CCDC68: variants seen among roughly 807,000 people sequenced by gnomAD.
CCDC68 encodes coiled-coil domain-containing protein 68.
CCDC68 carries 45 observed loss-of-function variants against 47.1 expected under a neutral mutation model. The ratio of observed to expected loss-of-function variants is 0.96; its 90% confidence interval spans 0.75 to 1.23. The LOEUF is 1.23. CCDC68 is among the 50% of genes most tolerant of loss of function. CCDC68 has a pLI of 0.00. For missense variants in CCDC68, 353 were observed against 373.6 expected (o/e 0.94, Z 0.45); for synonymous variants, 131 against 129.5 (o/e 1.01, Z -0.08).
At chr18:54,915,233 G>C (rs1297768911) in intron 10 of CCDC68, among the ~76,000 whole-genome samples, 1 of 152,198 alleles carries the variant, frequency 6.6e-6, no homozygotes, top group Non-Finnish European at 1.5e-5. Context: ...ATTTAGTCCA[G>C]AATAAAGAGG....
intron 5 of CCDC68, 98 bp from the exon 6 acceptor site, chr18:54,937,056 T>G: frequency 8.8e-7 from 1 of 1,136,464 alleles, no homozygotes; most frequent in Non-Finnish European, 1.3e-6. Flanking sequence ...AAGGTATAAC[T>G]ATACCATTTA....
rs74254765 is a variant in CCDC68 at position 54,927,509 on chromosome 18, C to T, written c.683+1291G>A. Among the ~76,000 whole-genome samples, 17 of 151,850 alleles carry T rather than the reference C, an allele frequency of 1.1e-4. No homozygotes were observed. In the East Asian group the frequency reaches 2.1e-3, roughly 19 times the overall value. ...AGGCCTGAACTTTTAATGGAAGATG[C>T]GTACAAATCAGTAGTTCTGCTACCT... On this transcript the variant is annotated intron_variant, in intron 8 of 11. Coordinates refer to ENST00000591504, the MANE Select transcript of CCDC68 (RefSeq NM_025214.3).
At chr18:54,954,959 C>T (rs1599108508) in intron 1 of CCDC68, among the ~76,000 whole-genome samples, 1 of 151,530 alleles carries the variant, frequency 6.6e-6, no homozygotes, top group Admixed American at 6.6e-5. Flanking sequence ...TATTATTTAA[C>T]CTACATTATC....
chr18:54,937,992 C>G lies in CCDC68; in HGVS notation c.310G>C (p.Glu104Gln), dbSNP rs148856264. The G allele has an allele frequency of 6.2e-5, 100 of 1,613,078 alleles. No individual in the cohort carries two copies. The African/African-American group carries it at 1.2e-3, about 20-fold the overall frequency. ...KIKGKDLQLL[E>Q]MNKENEVLKI... ...AATACTTCATTCTCTTTGTTCATTT[C>G]TAAGAGCTGTAGGTCTTTTCCTTTT... is the stretch of plus-strand genomic sequence containing the variant. The change falls in exon 5 of 12, where the codon GAA becomes CAA. Residue 104 changes from glutamate (E) to glutamine (Q), a missense_variant. Glu to Gln is a conservative substitution (Grantham distance 29, BLOSUM62 2). Coordinates refer to ENST00000591504, the MANE Select transcript of CCDC68 (RefSeq NM_025214.3).
At chr18:54,924,371 C>T (rs967463262) in intron 8 of CCDC68, among the ~76,000 whole-genome samples, 1 of 151,996 alleles carries the variant, frequency 6.6e-6, no homozygotes. Flanking sequence ...AGAAATGACA[C>T]AATGGTGAAT....
Position 54,938,206 on chromosome 18 carries a change from CACAA to C in CCDC68, c.205-113_205-110del, listed in dbSNP as rs529910708. ...ATATATCAAAGAAGCTTCAGATCAG[CACAA>C]ACAAACATCTTTTGAATCTCAAATA... On this transcript the variant is annotated intron_variant, in intron 4 of 11. Coordinates refer to ENST00000591504, the MANE Select transcript of CCDC68 (RefSeq NM_025214.3). 1.7e-4 allele frequency: 167 copies of C among 962,178 alleles called. 1 individual carries two copies. The highest frequency in any genetic ancestry group is 1.2e-3 in the African/African-American group (74 of 59,446). 59.6% of individuals were successfully genotyped at this position (962,178 alleles called of 1,614,324 possible).
chr18:54,911,221 A>T (rs1568132999), intron 10 of CCDC68, among the ~76,000 whole-genome samples: 1 of 45,740 alleles, frequency 2.2e-5, no homozygotes, highest in East Asian at 9.5e-4. Context: ...CCATTTTTGT[A>T]TTTTTTTTAG....
At position 54,903,425 on chromosome 18, in the gene CCDC68, A is replaced by G. The variant is rs1182816999; in HGVS notation, c.*933T>C. 6.6e-6 allele frequency: 1 copy of G among 152,216 alleles called. No individual in the cohort carries two copies. The highest frequency in any genetic ancestry group is 1.5e-5 in the Non-Finnish European group (1 of 68,034). 9.4% of individuals were successfully genotyped at this position (152,216 alleles called of 1,614,324 possible). ...ATCAGAATTTAAGCAAACTTTCACAAATACACTATATATATCTTTCCAATT... is the reference window on the plus strand; with the variant it reads ...ATCAGAATTTAAGCAAACTTTCACAGATACACTATATATATCTTTCCAATT... On this transcript the variant is annotated 3_prime_UTR_variant, in exon 12 of 12. Coordinates refer to ENST00000591504, the MANE Select transcript of CCDC68 (RefSeq NM_025214.3).
At position 54,917,865 on chromosome 18, in the gene CCDC68, ACACACT is replaced by A. The variant is rs952383216; in HGVS notation, c.873+42_873+47del. On this transcript the variant is annotated intron_variant, in intron 10 of 11. Coordinates refer to ENST00000591504, the MANE Select transcript of CCDC68 (RefSeq NM_025214.3). ...GACACACACACACACACACACACACACACACTCACACCCTCACAACAAAATGTAAGA... is the reference window on the plus strand; with the variant it reads ...GACACACACACACACACACACACACACACACCCTCACAACAAAATGTAAGA... The A allele has an allele frequency of 4.0e-6, 4 of 1,003,020 alleles. No homozygotes were observed. In the African/African-American group the frequency reaches 6.5e-5, roughly 16 times the overall value. 62.1% of individuals were successfully genotyped at this position (1,003,020 alleles called of 1,614,324 possible).
chr18:54,924,568 C>T (rs1383055554), intron 8 of CCDC68, among the ~76,000 whole-genome samples: 5 of 152,180 alleles, frequency 3.3e-5, no homozygotes, highest in Admixed American at 2.0e-4. Context: ...GGGGAAGAGA[C>T]AACTATTTCT....
At chr18:54,926,288 C>T (rs1293423169) in intron 8 of CCDC68, among the ~76,000 whole-genome samples, 1 of 152,172 alleles carries the variant, frequency 6.6e-6, no homozygotes, top group Non-Finnish European at 1.5e-5. Flanking sequence ...CCTCAGGAAA[C>T]TTACAGTCAT....
intron 6 of CCDC68, among the ~76,000 whole-genome samples, chr18:54,936,238 A>ATATATAAATATATATAAATAT (rs1568152095): frequency 6.9e-6 from 1 of 144,198 alleles, no homozygotes; most frequent in Admixed American, 7.0e-5. Context: ...ATTTTTAAAA[A>ATATATAAATATATATAAATAT]ATATATAGTT....
intron 11 of CCDC68, among the ~76,000 whole-genome samples, chr18:54,906,181 G>GA (rs1568129228): frequency 3.8e-4 from 2 of 5,264 alleles, no homozygotes; most frequent in Non-Finnish European, 7.8e-3. Context: ...CATGAAACTG[G>GA]ACCCTGGTTC....
At chr18:54,909,217 G>A (rs1177194816) in intron 10 of CCDC68, among the ~76,000 whole-genome samples, 1 of 152,138 alleles carries the variant, frequency 6.6e-6, no homozygotes, top group African/African-American at 2.4e-5. Context: ...TGAGTTGCCA[G>A]TGGGTTGCAC....
intron 8 of CCDC68, 144 bp from the exon 9 acceptor site, chr18:54,919,520 G>C (rs900244708): frequency 6.6e-5 from 42 of 637,852 alleles, no homozygotes; most frequent in Non-Finnish European, 1.1e-4. Flanking sequence ...ATGCCACATA[G>C]GACACACTGA....
At chr18:54,938,695 C>T (rs534960072) in intron 4 of CCDC68, among the ~76,000 whole-genome samples, 24 of 152,232 alleles carry the variant, frequency 1.6e-4, no homozygotes, top group Non-Finnish European at 2.5e-4. Flanking sequence ...CTTAAACTGT[C>T]CATTTTACAG....
chr18:54,909,751 G>A (rs1914242444), intron 10 of CCDC68, among the ~76,000 whole-genome samples: 1 of 152,248 alleles, frequency 6.6e-6, no homozygotes, highest in Non-Finnish European at 1.5e-5. Flanking sequence ...TAGACCAGGT[G>A]CACCACAAGC....
At chr18:54,953,735 A>C (rs1482344262) in intron 1 of CCDC68, among the ~76,000 whole-genome samples, 1 of 152,210 alleles carries the variant, frequency 6.6e-6, no homozygotes, top group African/African-American at 2.4e-5. Flanking sequence ...ACTGTTTATT[A>C]AAGGTGATAA....
intron 7 of CCDC68, among the ~76,000 whole-genome samples, chr18:54,929,354 G>A (rs1339779535): frequency 1.3e-5 from 2 of 152,144 alleles, no homozygotes; most frequent in Admixed American, 1.3e-4. Context: ...TTTTGATGAA[G>A]GATCAAGGCC....
Sources: allele counts gnomAD v4.1 joint callset (sites outside exome capture counted in the v4.1 genomes callset), GRCh38; gene constraint gnomAD v4.1.1; transcripts MANE v1.5; gene names NCBI Gene and HGNC (gene_info 2026-07-23, HGNC 2026-07-21).